PIGN: variants seen among roughly 807,000 people sequenced by gnomAD.
PIGN encodes the protein phosphatidylinositol glycan anchor biosynthesis class N.
A neutral mutation model predicts 125.4 loss-of-function variants in PIGN; 117 were observed. The observed-to-expected ratio is 0.93, with a 90% CI of 0.80 to 1.09. The LOEUF (loss-of-function observed/expected upper bound fraction) is 1.09, where lower values mean the gene tolerates loss of function less well. PIGN is among the 50% of genes least tolerant of loss of function. PIGN has a pLI of 0.00. For missense variants in PIGN, 1,075 were observed against 1,094.9 expected (o/e 0.98, Z 0.26); for synonymous variants, 392 against 377.8 (o/e 1.04, Z -0.44).
chr18:62,027,027 A>AC (rs1367513984), intron 23 of PIGN, among the ~76,000 whole-genome samples: 2 of 151,974 alleles, frequency 1.3e-5, no homozygotes, highest in Non-Finnish European at 2.9e-5. Context: ...ACATGGTGAA[A>AC]CCCCCTCTCT....
At chr18:62,123,333 G>C (rs1391074857) in intron 14 of PIGN, among the ~76,000 whole-genome samples, 1 of 151,940 alleles carries the variant, frequency 6.6e-6, no homozygotes, top group African/African-American at 2.4e-5. Flanking sequence ...GATCAAATCT[G>C]CACTTAAATG....
intron 30 of PIGN, among the ~76,000 whole-genome samples, chr18:62,047,559 G>A (rs930898717): frequency 1.2e-4 from 18 of 152,252 alleles, no homozygotes; most frequent in African/African-American, 3.4e-4. Context: ...TGGAGGCCTT[G>A]CAGGGTGCCG....
intron 30 of PIGN, among the ~76,000 whole-genome samples, chr18:62,049,724 T>C (rs1421053984): frequency 6.6e-6 from 1 of 151,646 alleles, no homozygotes; most frequent in African/African-American, 2.4e-5. Context: ...TTTGTCAATT[T>C]TGGCTTTTGT....
At chr18:62,076,581 C>G (rs1218810119) in intron 28 of PIGN, among the ~76,000 whole-genome samples, 1 of 152,088 alleles carries the variant, frequency 6.6e-6, no homozygotes, top group Admixed American at 6.5e-5. Context: ...AACCCAAATC[C>G]CAAGGATTTG....
intron 7 of PIGN, among the ~76,000 whole-genome samples, chr18:62,151,242 G>T (rs568907105): frequency 3.3e-5 from 5 of 152,124 alleles, no homozygotes; most frequent in Non-Finnish European, 7.4e-5. Flanking sequence ...GGTCTTCCCC[G>T]ACCACTAGGA....
chr18:62,175,955 T>A (rs111928221), intron 1 of PIGN, among the ~76,000 whole-genome samples: 3,477 of 40,082 alleles, frequency 0.087, 39 homozygotes, highest in Middle Eastern at 0.25. Flanking sequence ...GGAACCATCA[T>A]TAGCTAATTA....
At chr18:62,019,519 G>A (rs964183459) in intron 23 of PIGN, among the ~76,000 whole-genome samples, 4 of 152,192 alleles carry the variant, frequency 2.6e-5, no homozygotes, top group Non-Finnish European at 5.9e-5. Context: ...CTGAAAACCA[G>A]AAATAAGACA....
At chr18:62,143,621 G>C (rs375452943) in intron 10 of PIGN, among the ~76,000 whole-genome samples, 6 of 152,186 alleles carry the variant, frequency 3.9e-5, no homozygotes, top group African/African-American at 1.4e-4. Flanking sequence ...ATCAGAGGCT[G>C]AGGAAGGAAA....
intron 14 of PIGN, chr18:62,118,783 TGAGA>T (rs1261203273): frequency 6.7e-6 from 1 of 148,972 alleles, no homozygotes; most frequent in African/African-American, 2.5e-5. Context: ...TTAAGAAGAG[TGAGA>T]GAAAGAGCTT....
intron 23 of PIGN, among the ~76,000 whole-genome samples, chr18:62,018,943 A>C (rs975685042): frequency 1.3e-5 from 2 of 152,176 alleles, no homozygotes; most frequent in South Asian, 4.1e-4. Flanking sequence ...GAGGCTGGGC[A>C]CAGTGGCTCA....
chr18:62,062,031 C>T (rs942555945), intron 30 of PIGN, among the ~76,000 whole-genome samples: 1 of 152,158 alleles, frequency 6.6e-6, no homozygotes, highest in Non-Finnish European at 1.5e-5. Context: ...CACAGAGGCA[C>T]TATATGACAT....
intron 14 of PIGN, chr18:62,137,007 G>C: frequency 2.5e-6 from 1 of 398,336 alleles, no homozygotes; most frequent in Non-Finnish European, 4.4e-6. Flanking sequence ...TTGTTCCTGG[G>C]TATGTCTGTG....
intron 30 of PIGN, among the ~76,000 whole-genome samples, chr18:62,060,210 T>A (rs2032032986): frequency 6.6e-6 from 1 of 152,212 alleles, no homozygotes; most frequent in Non-Finnish European, 1.5e-5. Flanking sequence ...TAAAGGAACA[T>A]CAAATTTCAA....
At chr18:62,105,388 CA>C (rs1398168152) in intron 20 of PIGN, 154 bp downstream of exon 20, 48 of 537,476 alleles carry the variant, frequency 8.9e-5, no homozygotes, top group Middle Eastern at 5.2e-4. Flanking sequence ...GAACCTAGGC[CA>C]AAATCATGAC....
At chr18:62,139,378 A>G (rs1040374703) in intron 12 of PIGN, among the ~76,000 whole-genome samples, 8 of 152,176 alleles carry the variant, frequency 5.3e-5, no homozygotes, top group Non-Finnish European at 7.4e-5. Context: ...AAACAATTAC[A>G]ATGGTAGGCC....
At chr18:62,102,943 T>C (rs1469710175) in intron 20 of PIGN, 41 bp from the exon 21 acceptor site, 1 of 1,124,568 alleles carries the variant, frequency 8.9e-7, no homozygotes. Context: ...TCTTCAGATA[T>C]TTACGAACAC....
At chr18:62,148,449 G>T in intron 7 of PIGN, 111 bp from the exon 8 acceptor site, 4 of 725,692 alleles carry the variant, frequency 5.5e-6, no homozygotes, top group Admixed American at 3.7e-5. Flanking sequence ...ATTATCTCAC[G>T]TTGTTTAAAT....
Position 62,074,802 on chromosome 18 carries a change from C to T in PIGN, c.2596G>A (p.Val866Ile), listed in dbSNP as rs367627571. 4.4e-5 allele frequency: 71 copies of T among 1,603,510 alleles called. No individual in the cohort carries two copies. The highest frequency in any genetic ancestry group is 5.2e-5 in the Non-Finnish European group (61 of 1,172,864). ...ACCAAAGCCATAATGTCTGATATGA[C>T]GAGAACAATGAGAAAAAGGCTGGAA... The part of the protein sequence containing the change: ...SSKSLFLIVL[V>I]ISDIMALHFF... Residue 866 changes from valine to isoleucine, a missense_variant, in exon 29 of 31, where the codon GTC becomes ATC. This residue lies in a region of PIGN where 915 missense variants were observed against 908.7 expected (regional missense o/e 1.01). Transcript: ENST00000640252.
downstream of PIGN, among the ~76,000 whole-genome samples, chr18:62,036,885 G>A (rs1235244945): frequency 6.6e-6 from 1 of 152,138 alleles, no homozygotes; most frequent in Non-Finnish European, 1.5e-5. Context: ...CAACCAGCTG[G>A]TGCAGAGGAA....
Sources: allele counts gnomAD v4.1 joint callset (sites outside exome capture counted in the v4.1 genomes callset), GRCh38; gene constraint gnomAD v4.1.1; regional missense constraint gnomAD v4.1.1; transcripts MANE v1.5; gene names NCBI Gene and HGNC (gene_info 2026-07-23, HGNC 2026-07-21).